ERC2: variants seen among roughly 807,000 people sequenced by gnomAD.
ERC2 encodes the protein ERC protein 2.
A neutral mutation model predicts 114.8 loss-of-function variants in ERC2; 42 were observed. The observed-to-expected ratio is 0.37, with a 90% confidence interval of 0.29 to 0.47. The LOEUF is 0.47. ERC2 is among the 20% of genes least tolerant of loss of function. The pLI is 0.99. For synonymous variants in ERC2, 454 were observed against 425.5 expected (o/e 1.07, Z -0.82); for missense variants, 939 against 1,150.7 (o/e 0.82, Z 2.66).
At chr3:55,725,014 G>A (rs557569448) in intron 15 of ERC2, among the ~76,000 whole-genome samples, 156 of 152,308 alleles carry the variant, frequency 1.0e-3, no homozygotes, top group African/African-American at 3.7e-3. Context: ...GCACAGATGT[G>A]AAATTTGAAT....
chr3:56,199,510 C>A (rs1215202112), intron 3 of ERC2, among the ~76,000 whole-genome samples: 1 of 151,864 alleles, frequency 6.6e-6, no homozygotes, highest in Non-Finnish European at 1.5e-5. Context: ...ATACACCACA[C>A]ACATTTTTTC....
intron 17 of ERC2, among the ~76,000 whole-genome samples, chr3:55,554,595 C>T (rs1177915966): frequency 6.6e-6 from 1 of 152,186 alleles, no homozygotes; most frequent in African/African-American, 2.4e-5. Flanking sequence ...TGTGAATGGC[C>T]TTTTCCTCTT....
chr3:55,603,211 G>C (rs761686483), intron 17 of ERC2, among the ~76,000 whole-genome samples: 2 of 152,154 alleles, frequency 1.3e-5, no homozygotes, highest in Admixed American at 1.3e-4. Flanking sequence ...TCTAAAACCA[G>C]AGATACTATG....
intron 3 of ERC2, among the ~76,000 whole-genome samples, chr3:56,268,717 C>A (rs1323469457): frequency 1.3e-5 from 2 of 152,178 alleles, no homozygotes; most frequent in African/African-American, 2.4e-5. Flanking sequence ...AGTCTAATAA[C>A]TTTTAAATTT....
chr3:56,279,463 T>A (rs1383585492), intron 3 of ERC2, among the ~76,000 whole-genome samples: 3 of 152,242 alleles, frequency 2.0e-5, no homozygotes, highest in South Asian at 4.1e-4. Flanking sequence ...TAAGGGTTAG[T>A]CAAGTGAGGA....
chr3:56,452,177 G>T (rs1300891807), intron 1 of ERC2, among the ~76,000 whole-genome samples: 1 of 152,204 alleles, frequency 6.6e-6, no homozygotes, highest in African/African-American at 2.4e-5. Flanking sequence ...TGAATATCAA[G>T]CTGTACCCTA....
chr3:55,874,222 C>G (rs1435035750), intron 14 of ERC2, among the ~76,000 whole-genome samples: 4 of 152,328 alleles, frequency 2.6e-5, no homozygotes, highest in Non-Finnish European at 5.9e-5. Flanking sequence ...CTAGAATGTT[C>G]TCTTTGCTTC....
chr3:55,958,718 GCGC>G (rs2068146467), intron 12 of ERC2, among the ~76,000 whole-genome samples: 1 of 152,242 alleles, frequency 6.6e-6, no homozygotes, highest in African/African-American at 2.4e-5. Context: ...CCCTGAGCAT[GCGC>G]GCACCTGGCC....
chr3:55,684,652 T>C (rs1414866472), intron 16 of ERC2, among the ~76,000 whole-genome samples: 1 of 152,250 alleles, frequency 6.6e-6, no homozygotes, highest in Non-Finnish European at 1.5e-5. Flanking sequence ...GTTGGAATTC[T>C]TGTTGAAAAG....
chr3:56,362,614 C>T (rs1243421556), intron 2 of ERC2, among the ~76,000 whole-genome samples: 3 of 152,190 alleles, frequency 2.0e-5, no homozygotes, highest in Admixed American at 2.0e-4. Flanking sequence ...GCACTCTCAG[C>T]GCCTGCTCCT....
chr3:56,142,423 A>G (rs1447887199), intron 5 of ERC2, among the ~76,000 whole-genome samples: 1 of 152,158 alleles, frequency 6.6e-6, no homozygotes, highest in Non-Finnish European at 1.5e-5. Context: ...TTATGCAATT[A>G]CACTTTTATT....
intron 14 of ERC2, among the ~76,000 whole-genome samples, chr3:55,855,003 A>G (rs2061730912): frequency 6.6e-6 from 1 of 152,186 alleles, no homozygotes; most frequent in South Asian, 2.1e-4. Flanking sequence ...TGCTCAAAGT[A>G]TGATAAGCCC....
chr3:55,710,042 C>T (rs540069023), intron 15 of ERC2, among the ~76,000 whole-genome samples: 143 of 152,306 alleles, frequency 9.4e-4, no homozygotes, highest in African/African-American at 3.3e-3. Flanking sequence ...AATACCAACT[C>T]TCTGCCACAT....
At chr3:56,264,816 T>A (rs1351166483) in intron 3 of ERC2, among the ~76,000 whole-genome samples, 1 of 99,792 alleles carries the variant, frequency 1.0e-5, no homozygotes, top group Admixed American at 1.2e-4. Flanking sequence ...ACAGCAAATA[T>A]GACCTATCCA....
intron 13 of ERC2, among the ~76,000 whole-genome samples, chr3:55,926,468 G>A (rs769343906): frequency 6.0e-5 from 9 of 149,690 alleles, no homozygotes; most frequent in Non-Finnish European, 8.9e-5. Context: ...GACACACAAA[G>A]ATTTTATATC....
intron 15 of ERC2, among the ~76,000 whole-genome samples, chr3:55,720,304 T>A (rs1351297076): frequency 1.6e-5 from 2 of 128,764 alleles, no homozygotes; most frequent in Non-Finnish European, 3.3e-5. Context: ...TCTTTCTTTA[T>A]GAGACAGGGT....
At chr3:55,879,490 G>A (rs1386335103) in intron 14 of ERC2, among the ~76,000 whole-genome samples, 1 of 152,008 alleles carries the variant, frequency 6.6e-6, no homozygotes, top group East Asian at 1.9e-4. Flanking sequence ...ACCCCTTATA[G>A]GTCAGCTATC....
At chr3:55,986,078 T>G in intron 11 of ERC2, 90 bp from the exon 12 acceptor site, 55 of 1,204,570 alleles carry the variant, frequency 4.6e-5, no homozygotes, top group South Asian at 6.5e-5. Context: ...GGAAATGCAT[T>G]AGTTTTAAAC....
intron 17 of ERC2, among the ~76,000 whole-genome samples, chr3:55,653,057 G>A (rs901216499): frequency 6.6e-6 from 1 of 151,882 alleles, no homozygotes; most frequent in Non-Finnish European, 1.5e-5. Flanking sequence ...TACCAAGTTG[G>A]GCTGCCAGTC....
Sources: gnomAD v4.1 joint callset for allele counts (sites outside exome capture counted in the v4.1 genomes callset) on GRCh38, gnomAD v4.1.1 for gene constraint, MANE v1.5 for transcripts, NCBI Gene and HGNC (gene_info 2026-07-23, HGNC 2026-07-21) for gene names.